The following IQSEC1 variants were observed in gnomAD, a reference collection of about 807,000 sequenced individuals.
The protein encoded by IQSEC1 is IQ motif and Sec7 domain ArfGEF 1.
A neutral mutation model predicts 91.0 loss-of-function variants in IQSEC1; 31 were observed. That is an observed-to-expected ratio of 0.34 (90% CI 0.26 to 0.46). The LOEUF is 0.46. Among genes scored for constraint, IQSEC1 ranks in the 20% least tolerant of loss-of-function variants. The pLI is 1.00. For missense variants in IQSEC1, 1,388 were observed against 1,575.6 expected (o/e 0.88, Z 2.02); for synonymous variants, 699 against 662.6 (o/e 1.05, Z -0.84).
At chr3:13,072,287 G>T (rs993482052) in intron 1 of IQSEC1, among the ~76,000 whole-genome samples, 1 of 152,246 alleles carries the variant, frequency 6.6e-6, no homozygotes, top group Admixed American at 6.5e-5. Context: ...ACAGCACAGT[G>T]CAGCGCCCAG....
In IQSEC1 at chr3:12,909,169, G is replaced by A. The variant is rs1559608161; in HGVS notation, c.2578+104C>T. The stretch of plus-strand genomic sequence containing the variant: ...TAGGGAAGGCCAGAAAAGACTGGGG[G>A]ACATCTTGTCTCTGTGAGCTCAGAA... On this transcript the variant is annotated intron_variant, in intron 11 of 13. Coordinates refer to ENST00000613206, the MANE Select transcript of IQSEC1 (RefSeq NM_001134382.3). This position sits in a 1 kb window ranked among gnomAD's most constrained non-coding sequence, Gnocchi z 4.9. The A allele has an allele frequency of 8.2e-7, 1 of 1,212,270 alleles. No individual in the cohort carries two copies. Among genetic ancestry groups the A allele is most frequent in the Non-Finnish European group, 1.2e-6 (1 of 845,586 alleles). 75.1% of individuals were successfully genotyped at this position (1,212,270 alleles called of 1,614,324 possible). A position where few individuals can be genotyped will look rare whatever the true frequency, so the allele number is the denominator to read the frequency against.
chr3:13,150,442 T>C (rs1706976719), intron 2 of IQSEC1, among the ~76,000 whole-genome samples: 1 of 152,204 alleles, frequency 6.6e-6, no homozygotes, highest in South Asian at 2.1e-4. Flanking sequence ...TCCAAACCCA[T>C]CTTTCTAGCA....
intron 1 of IQSEC1, among the ~76,000 whole-genome samples, chr3:13,269,701 G>A (rs1441535469): frequency 6.6e-6 from 1 of 152,242 alleles, no homozygotes; most frequent in Non-Finnish European, 1.5e-5. Context: ...GGCAGAGAGA[G>A]GGGAGCGAGG....
chr3:13,041,929 G>A (rs1397664201), intron 1 of IQSEC1, among the ~76,000 whole-genome samples: 3 of 152,188 alleles, frequency 2.0e-5, no homozygotes, highest in African/African-American at 7.2e-5. Context: ...TCCAGCCCAC[G>A]AGGTCGGAGC....
intron 1 of IQSEC1, among the ~76,000 whole-genome samples, chr3:12,966,382 G>C (rs1700566074): frequency 6.6e-6 from 1 of 152,174 alleles, no homozygotes; most frequent in Non-Finnish European, 1.5e-5. Flanking sequence ...GCTCCAGGTG[G>C]GCTTCCTCCA....
intron 1 of IQSEC1, among the ~76,000 whole-genome samples, chr3:13,196,749 CGTGT>C (rs5846802): frequency 0.026 from 3,819 of 148,468 alleles, 57 homozygotes; most frequent in African/African-American, 0.044. Flanking sequence ...CATGTGTGTG[CGTGT>C]GTGTGTGTGT....
chr3:13,096,383 C>T (rs982473344), intron 2 of IQSEC1, among the ~76,000 whole-genome samples: 1 of 152,228 alleles, frequency 6.6e-6, no homozygotes, highest in Admixed American at 6.5e-5. Flanking sequence ...TCACTCATTC[C>T]TTTGCTTATT....
intron 2 of IQSEC1, among the ~76,000 whole-genome samples, chr3:13,083,149 T>C (rs1705675559): frequency 6.6e-6 from 1 of 152,232 alleles, no homozygotes. Context: ...CTGTGCCTGA[T>C]AACTTGCAGG....
intron 1 of IQSEC1, among the ~76,000 whole-genome samples, chr3:13,062,940 G>A (rs1705116342): frequency 6.6e-6 from 1 of 152,246 alleles, no homozygotes; most frequent in Non-Finnish European, 1.5e-5. Context: ...CACAGGGGTT[G>A]CTCTGACAGG....
chr3:13,254,125 A>ACGCTGC (rs1202397829), intron 1 of IQSEC1, among the ~76,000 whole-genome samples: 2 of 152,224 alleles, frequency 1.3e-5, no homozygotes, highest in Non-Finnish European at 2.9e-5. Flanking sequence ...TGGCATCACA[A>ACGCTGC]CGCTGCCCTC....
At chr3:13,174,319 G>T (rs1452978096) in intron 1 of IQSEC1, among the ~76,000 whole-genome samples, 1 of 152,138 alleles carries the variant, frequency 6.6e-6, no homozygotes, top group African/African-American at 2.4e-5. Flanking sequence ...GCACTGCCCC[G>T]GGAGTCCACA....
intron 1 of IQSEC1, among the ~76,000 whole-genome samples, chr3:13,244,228 T>C (rs1695070532): frequency 6.6e-6 from 1 of 152,198 alleles, no homozygotes; most frequent in Non-Finnish European, 1.5e-5. Flanking sequence ...AGTCTTGCTC[T>C]GTCCCCCAGG....
At chr3:13,032,790 T>C (rs962406373) in intron 1 of IQSEC1, among the ~76,000 whole-genome samples, 2 of 152,188 alleles carry the variant, frequency 1.3e-5, no homozygotes, top group Non-Finnish European at 2.9e-5. Flanking sequence ...TTCACCGTGT[T>C]AGCCAGGATG....
At chr3:13,089,083 G>A (rs1177466599) in intron 2 of IQSEC1, among the ~76,000 whole-genome samples, 1 of 152,192 alleles carries the variant, frequency 6.6e-6, no homozygotes, top group East Asian at 1.9e-4. Flanking sequence ...GACTTGGCCT[G>A]GCCCACTCCT....
intron 6 of IQSEC1, among the ~76,000 whole-genome samples, chr3:12,918,089 C>T (rs1447513307): frequency 6.6e-6 from 1 of 152,238 alleles, no homozygotes; most frequent in Admixed American, 6.5e-5. Flanking sequence ...TGCCTGGCCT[C>T]AGCCATTTCT....
chr3:13,203,809 C>G (rs1694289653), intron 1 of IQSEC1, among the ~76,000 whole-genome samples: 1 of 152,238 alleles, frequency 6.6e-6, no homozygotes, highest in East Asian at 1.9e-4. Flanking sequence ...ATTCATCCTT[C>G]CCTCCCTGCT....
At chr3:13,227,281 CAGG>C (rs1335955436) in intron 1 of IQSEC1, among the ~76,000 whole-genome samples, 1 of 139,658 alleles carries the variant, frequency 7.2e-6, no homozygotes, top group Non-Finnish European at 1.5e-5. Flanking sequence ...GAGGCTGAGG[CAGG>C]AGAATTACTC....
chr3:13,136,512 G>A (rs1321065793), intron 2 of IQSEC1, among the ~76,000 whole-genome samples: 1 of 152,096 alleles, frequency 6.6e-6, no homozygotes, highest in Non-Finnish European at 1.5e-5. Flanking sequence ...ACCCAGCAAG[G>A]AGACACCTGG....
In IQSEC1 at chr3:13,193,908, C is replaced by G. The variant is rs536054611; in HGVS notation, c.273-29775G>C. The stretch of plus-strand genomic sequence containing the variant: ...ATGCCCTGGGGCTTCGGCCACAGAC[C>G]AAGCTTGGTTTCCTCACAGCTCTGG... On this transcript the variant is annotated intron_variant, in intron 1 of 15. Coordinates refer to the IQSEC1 transcript ENST00000648114. The surrounding 1 kb of genome is among the most constrained non-coding windows in gnomAD (Gnocchi z 4.2). 3.3e-5 allele frequency among the ~76,000 whole-genome samples: 5 copies of G among 152,206 alleles called. No homozygotes were observed. Among genetic ancestry groups the G allele is most frequent in the Non-Finnish European group, 7.3e-5 (5 of 68,040 alleles).
Sources: gnomAD v4.1 joint callset for allele counts (sites outside exome capture counted in the v4.1 genomes callset) on GRCh38, gnomAD v4.1.1 for gene constraint, Gnocchi (gnomAD v3.1) non-coding constraint, MANE v1.5 for transcripts, NCBI Gene and HGNC (gene_info 2026-07-23, HGNC 2026-07-21) for gene names.